MAP3K5: variants seen among roughly 807,000 people sequenced by gnomAD.
MAP3K5 encodes the protein ASK-1.
In MAP3K5, 56 loss-of-function variants were observed where a neutral mutation model predicts 158.7. That is an observed-to-expected ratio of 0.35 (90% CI 0.28 to 0.44). The LOEUF is 0.44. MAP3K5 is among the 20% of genes least tolerant of loss of function. The probability of loss-of-function intolerance (pLI) is 1.00; values close to 1 mark genes in which losing one functional copy is unlikely to be tolerated. For synonymous variants in MAP3K5, 579 were observed against 601.7 expected (o/e 0.96, Z 0.55); for missense variants, 1,294 against 1,674.8 (o/e 0.77, Z 3.97).
chr6:136,567,726 G>C lies in MAP3K5; in HGVS notation c.3666C>G (p.Gly1222=). Residue 1222 remains glycine (G), a synonymous_variant, in exon 26 of 30, where the codon GGC becomes GGG. Transcript: ENST00000359015. ...AVIEDAVATS[G]VSTLSSTVSH... ...ACACAGTAGAACTGAGCGTGCTCAC[G>C]CCTGAGGTAGCCACAGCATCTTCAA... The C allele has an allele frequency of 6.2e-7, 1 of 1,614,038 alleles. No homozygotes were observed. The highest frequency in any genetic ancestry group is 8.5e-7 in the Non-Finnish European group (1 of 1,180,002).
At chr6:136,735,552 G>A (rs182679810) in intron 1 of MAP3K5, among the ~76,000 whole-genome samples, 283 of 152,312 alleles carry the variant, frequency 1.9e-3, no homozygotes, top group African/African-American at 6.5e-3. Flanking sequence ...ATGATAGGCC[G>A]GGTGAGGTGG....
intron 6 of MAP3K5, 41 bp from the exon 7 acceptor site, chr6:136,694,351 A>G (rs927617782): frequency 1.3e-6 from 2 of 1,482,834 alleles, no homozygotes; most frequent in Admixed American, 3.7e-5. Context: ...ACATTACAGA[A>G]GCAATATAGA....
chr6:136,733,881 T>C (rs1782336897), intron 1 of MAP3K5, among the ~76,000 whole-genome samples: 1 of 152,186 alleles, frequency 6.6e-6, no homozygotes, highest in Non-Finnish European at 1.5e-5. Context: ...TTTATCATGA[T>C]ATGTATCTAC....
At position 136,792,047 on chromosome 6, in the gene MAP3K5, C is replaced by T; in HGVS notation, c.111G>A (p.Ala37=). ...GGICRRGGAA[A]VGEGEEHQLP... ...GCTGGTGCTCCTCGCCCTCGCCCAC[C>T]GCCGCCGCTCCTCCCCTCCTGCAGA... is the stretch of plus-strand genomic sequence containing the variant. Residue 37 remains alanine (A), a synonymous_variant, in exon 1 of 30, where the codon GCG becomes GCA. Transcript: ENST00000359015. This position sits in a 1 kb window ranked among gnomAD's most constrained non-coding sequence, Gnocchi z 5.7. 2 of 1,546,390 alleles carry T rather than the reference C, an allele frequency of 1.3e-6. No homozygotes were observed. Among genetic ancestry groups the T allele is most frequent in the South Asian group, 1.2e-5 (1 of 84,886 alleles).
chr6:136,622,964 A>T lies in MAP3K5; in HGVS notation c.2034T>A (p.Asp678Glu), dbSNP rs192023245. The T allele has an allele frequency of 1.5e-5, 25 of 1,613,954 alleles. No homozygotes were observed. The East Asian group carries it at 5.3e-4, about 35-fold the overall frequency. ...SDLLEYDYEY[D>E]ENGDRVVLGK... ...CTAAAACGACTCTGTCACCATTTTC[A>T]TCATATTCATAGTCATACTACAAAA... is the stretch of plus-strand genomic sequence containing the variant. The change falls in exon 15 of 30, where the codon GAT becomes GAA. Residue 678 changes from aspartate to glutamate, a missense_variant. Asp to Glu is a conservative substitution (Grantham distance 45). Coordinates refer to ENST00000359015, the MANE Select transcript of MAP3K5 (RefSeq NM_005923.4).
In MAP3K5 at chr6:136,567,675, C is replaced by T; in HGVS notation, c.3717G>A (p.Arg1239=). The change falls in exon 26 of 30, where the codon CGG becomes CGA. Residue 1239 remains arginine, a synonymous_variant. Transcript: ENST00000359015. The part of the protein sequence containing the change: ...TVSHDSQSAH[R]SLNVQLGRMK... ...TCCTTCCAAGCTGTACATTCAGTGA[C>T]CGGTGAGCACTCTGGGAATCATGAG... 1 of 1,614,158 alleles carries T rather than the reference C, an allele frequency of 6.2e-7. No individual in the cohort carries two copies. Among genetic ancestry groups the T allele is most frequent in the South Asian group, 1.1e-5 (1 of 91,088 alleles).
At chr6:136,696,148 C>A in intron 5 of MAP3K5, 91 bp from the exon 6 acceptor site, 1 of 676,616 alleles carries the variant, frequency 1.5e-6, no homozygotes. Context: ...TATCTGAATT[C>A]AAGAAACACA....
In MAP3K5 at chr6:136,583,600, A is replaced by G; in HGVS notation, c.3366T>C (p.His1122=). Residue 1122 remains histidine (H), a synonymous_variant, in exon 24 of 30, where the codon CAT becomes CAC. Transcript: ENST00000359015. ...GTACCACCTGGACTTGGCTAATGCC[A>G]TGGCTGTCGAAGTCCAGCTCCAGTT... ...KLKLELDFDS[H]GISQVQVVLF... is the part of the protein sequence containing the mutation. The G allele has an allele frequency of 6.2e-7, 1 of 1,614,250 alleles. No homozygotes were observed. The highest frequency in any genetic ancestry group is 8.5e-7 in the Non-Finnish European group (1 of 1,180,036).
intron 11 of MAP3K5, 38 bp downstream of exon 11, chr6:136,650,946 G>A (rs756117752): frequency 7.5e-7 from 1 of 1,329,738 alleles, no homozygotes; most frequent in South Asian, 1.2e-5. Flanking sequence ...AAAGTCCCTT[G>A]TTACTAATGC....
At chr6:136,758,962 C>T (rs967266400) in intron 1 of MAP3K5, among the ~76,000 whole-genome samples, 2 of 152,164 alleles carry the variant, frequency 1.3e-5, no homozygotes, top group South Asian at 4.1e-4. Context: ...CACTTGAGGC[C>T]AGAAGTTTGC....
intron 7 of MAP3K5, among the ~76,000 whole-genome samples, chr6:136,678,418 C>T (rs746487986): frequency 6.6e-5 from 10 of 152,108 alleles, no homozygotes; most frequent in East Asian, 3.9e-4. Context: ...ACACACCAAA[C>T]GAGTTTTATA....
rs1245535031 is a variant in MAP3K5, at chr6:136,698,555, C to G, written c.740G>C (p.Gly247Ala). The G allele has an allele frequency of 6.2e-7, 1 of 1,614,076 alleles. No homozygotes were observed. Among genetic ancestry groups the G allele is most frequent in the Non-Finnish European group, 8.5e-7 (1 of 1,179,980 alleles). Residue 247 changes from glycine (G) to alanine (A), a missense_variant, in exon 4 of 30, where the codon GGA (glycine) becomes GCA (alanine). Transcript: ENST00000359015. ...ATCCACAAGAGGTAAGCAGATGGGT[C>G]CAAGAAGCAGCTCGAAGTTCGGTTG... ...LMQPNFELLLGPICLPLVDRF... is the reference protein window; with the variant it reads ...LMQPNFELLLAPICLPLVDRF...
At chr6:136,778,392 G>T (rs1287219432) in intron 1 of MAP3K5, among the ~76,000 whole-genome samples, 3 of 152,068 alleles carry the variant, frequency 2.0e-5, no homozygotes, top group Non-Finnish European at 4.4e-5. Flanking sequence ...ACATTATGAA[G>T]TCCTTAAAAT....
chr6:136,648,914 C>T (rs1187408127), intron 11 of MAP3K5, among the ~76,000 whole-genome samples: 1 of 152,210 alleles, frequency 6.6e-6, no homozygotes, highest in African/African-American at 2.4e-5. Context: ...GAAAGTCTAC[C>T]TCATAGAATT....
chr6:136,703,587 A>G (rs1007973166), intron 3 of MAP3K5, among the ~76,000 whole-genome samples: 1 of 152,242 alleles, frequency 6.6e-6, no homozygotes, highest in Non-Finnish European at 1.5e-5. Flanking sequence ...AAAACGTGTG[A>G]GATAAATTAA....
intron 18 of MAP3K5, among the ~76,000 whole-genome samples, chr6:136,606,092 C>G (rs976026443): frequency 7.2e-5 from 11 of 152,220 alleles, no homozygotes; most frequent in African/African-American, 2.7e-4. Context: ...GTGGCTCACG[C>G]CTGTAATCCC....
Position 136,754,098 on chromosome 6 carries a change from C to T in MAP3K5, c.449-33509G>A, listed in dbSNP as rs560339268. On this transcript the variant is annotated intron_variant, in intron 1 of 29. Transcript: ENST00000359015. ...CACCAGTCTGGGCAGCATGATGAAA[C>T]CCCATCTCTACTAAAAATACAAAAA... is the stretch of plus-strand genomic sequence containing the variant. 4.2e-4 allele frequency among the ~76,000 whole-genome samples: 63 copies of T among 151,254 alleles called. 1 individual carries two copies. The highest frequency in any genetic ancestry group is 1.5e-3 in the African/African-American group (61 of 41,178).
chr6:136,783,338 AT>A (rs942726492), intron 1 of MAP3K5, among the ~76,000 whole-genome samples: 1 of 36,040 alleles, frequency 2.8e-5, no homozygotes, highest in African/African-American at 6.0e-5. Context: ...TGGATTTTTA[AT>A]TTATCATTTT....
At chr6:136,765,310 T>C (rs928617076) in intron 1 of MAP3K5, among the ~76,000 whole-genome samples, 4 of 152,108 alleles carry the variant, frequency 2.6e-5, no homozygotes, top group Non-Finnish European at 5.9e-5. Flanking sequence ...CTGTTTTCTT[T>C]AGAGGTCTTT....
Sources: gnomAD v4.1 joint callset for allele counts (sites outside exome capture counted in the v4.1 genomes callset) on GRCh38, gnomAD v4.1.1 for gene constraint, Gnocchi (gnomAD v3.1) non-coding constraint, MANE v1.5 for transcripts, NCBI Gene and HGNC (gene_info 2026-07-23, HGNC 2026-07-21) for gene names.